Variants in OGDH observed in about 807,000 individuals in gnomAD.
The protein encoded by OGDH is oxoglutarate dehydrogenase.
A neutral mutation model predicts 116.6 loss-of-function variants in OGDH; 38 were observed. That is an observed-to-expected ratio of 0.33 (90% CI 0.25 to 0.43). The LOEUF is 0.43. Ranked by LOEUF, OGDH falls within the 20% of genes least tolerant of loss-of-function variation. The pLI is 1.00. For synonymous variants in OGDH, 488 were observed against 533.3 expected (o/e 0.92, Z 1.17); for missense variants, 825 against 1,357.2 (o/e 0.61, Z 6.16).
intron 2 of OGDH, among the ~76,000 whole-genome samples, chr7:44,643,808 C>T (rs1786053614): frequency 6.6e-6 from 1 of 152,144 alleles, no homozygotes; most frequent in South Asian, 2.1e-4. Context: ...TGCCTTGCCT[C>T]TCCAAGTTTT....
At chr7:44,702,330 G>C (rs2116402878) in intron 20 of OGDH, among the ~76,000 whole-genome samples, 1 of 152,300 alleles carries the variant, frequency 6.6e-6, no homozygotes, top group Non-Finnish European at 1.5e-5. Flanking sequence ...CTTCAGGACA[G>C]AGAAAAAAAC....
In OGDH at chr7:44,700,336, C is replaced by T. The variant is rs1190713387; in HGVS notation, c.2559+67C>T. The T allele has an allele frequency of 1.9e-6, 3 of 1,581,114 alleles. No homozygotes were observed. In the Admixed American group the frequency reaches 5.3e-5, roughly 28 times the overall value. On this transcript the variant is annotated intron_variant, in intron 19 of 22. Coordinates refer to ENST00000222673, the MANE Select transcript of OGDH (RefSeq NM_002541.4). Reference sequence around the variant, plus strand: ...TGCCCTGTTGGTGCAGGGAAGGGCTCCTCAGAGAGCCTCTTGCTTGGGGTT... The same window carrying T: ...TGCCCTGTTGGTGCAGGGAAGGGCTTCTCAGAGAGCCTCTTGCTTGGGGTT...
At chr7:44,673,474 G>T (rs1787558240) in intron 5 of OGDH, among the ~76,000 whole-genome samples, 1 of 152,236 alleles carries the variant, frequency 6.6e-6, no homozygotes, top group Non-Finnish European at 1.5e-5. Context: ...TTCCACAACT[G>T]TTGCGGTCTG....
At chr7:44,616,807 G>GTATATATATACA (rs1562610856) in intron 1 of OGDH, among the ~76,000 whole-genome samples, 1 of 127,220 alleles carries the variant, frequency 7.9e-6, no homozygotes, top group Non-Finnish European at 1.7e-5. Flanking sequence ...GTATATATAT[G>GTATATATATACA]CATATATACG....
Position 44,676,134 on chromosome 7 carries a change from C to T in OGDH, c.1191C>T (p.Asp397=). 6.2e-7 allele frequency: 1 copy of T among 1,614,128 alleles called. No homozygotes were observed. The highest frequency in any genetic ancestry group is 1.1e-5 in the South Asian group (1 of 91,082). ...AAGCCGAACAGTTTTACTGTGGCGA[C>T]ACTGAAGGGAAAAAGGTAAGGCCCA... ...KTKAEQFYCG[D]TEGKKVMSIL... Residue 397 remains aspartate, a synonymous_variant, in exon 9 of 23, where the codon GAC becomes GAT. Coordinates refer to ENST00000222673, the MANE Select transcript of OGDH (RefSeq NM_002541.4).
In OGDH at chr7:44,694,224, C is replaced by T. The variant is rs1474208170; in HGVS notation, c.1516-200C>T. On this transcript the variant is annotated intron_variant, in intron 11 of 22. Coordinates refer to ENST00000222673, the MANE Select transcript of OGDH (RefSeq NM_002541.4). The surrounding 1 kb of genome is among the most constrained non-coding windows in gnomAD (Gnocchi z 4.2). Reference sequence around the variant, plus strand: ...CAGGAGCTGTGGTGGTGAGGAGGGCCACTCCTCATTGACAGAGCAGCTCTA... The same window carrying T: ...CAGGAGCTGTGGTGGTGAGGAGGGCTACTCCTCATTGACAGAGCAGCTCTA... Among the ~76,000 whole-genome samples the T allele has an allele frequency of 1.3e-5, 2 of 152,106 alleles. No homozygotes were observed. The highest frequency in any genetic ancestry group is 2.9e-5 in the Non-Finnish European group (2 of 68,018).
chr7:44,685,697 C>T (rs1053124460), intron 10 of OGDH, among the ~76,000 whole-genome samples: 2 of 151,964 alleles, frequency 1.3e-5, no homozygotes, highest in African/African-American at 4.8e-5. Context: ...TAGCTCACTG[C>T]AGCCTCCAAC....
At chr7:44,608,138 C>T (rs758976810) in intron 1 of OGDH, among the ~76,000 whole-genome samples, 22 of 152,238 alleles carry the variant, frequency 1.4e-4, no homozygotes, top group Non-Finnish European at 2.8e-4. Context: ...CGTGGTGGCT[C>T]ACGTTTGTAA....
intron 1 of OGDH, among the ~76,000 whole-genome samples, chr7:44,609,819 G>A (rs1313629024): frequency 2.0e-5 from 3 of 152,136 alleles, no homozygotes; most frequent in Non-Finnish European, 4.4e-5. Flanking sequence ...GCACTGTATG[G>A]TCTTGTTTCT....
rs778952772 is a variant in OGDH, at chr7:44,707,962, C to T, written c.3035C>T (p.Thr1012Met). ...HLTELQRLLDTAFDLDVFKNF... is the reference protein window; with the variant it reads ...HLTELQRLLDMAFDLDVFKNF... ...ACGGAGCTGCAGCGCCTCCTGGACA[C>T]GGCCTTCGACCTGGACGTCTTCAAG... is the stretch of plus-strand genomic sequence containing the variant. Residue 1012 changes from threonine to methionine, a missense_variant, in exon 23 of 23, where the codon ACG becomes ATG. Thr to Met is a moderately conservative substitution (Grantham distance 81). Coordinates refer to ENST00000222673, the MANE Select transcript of OGDH (RefSeq NM_002541.4). The surrounding 1 kb of genome is among the most constrained non-coding windows in gnomAD (Gnocchi z 5.2). 4.6e-5 allele frequency: 75 copies of T among 1,613,702 alleles called. No homozygotes were observed. Among genetic ancestry groups the T allele is most frequent in the East Asian group, 1.6e-4 (7 of 44,898 alleles).
intron 1 of OGDH, among the ~76,000 whole-genome samples, chr7:44,616,314 A>T (rs1387375045): frequency 6.6e-6 from 1 of 152,164 alleles, no homozygotes; most frequent in Non-Finnish European, 1.5e-5. Flanking sequence ...CACATCAGTC[A>T]TGGGCATCTC....
rs567456108 is a variant in OGDH at position 44,647,113 on chromosome 7, C to G, written c.415-544C>G. On this transcript the variant is annotated intron_variant, in intron 3 of 22. Transcript: ENST00000222673. ...CTTAGGGAAATGTTTATGTTCTGAG[C>G]TGAGGCAGGCTTCACATTGGAGTAA... 1.9e-4 allele frequency among the ~76,000 whole-genome samples: 29 copies of G among 152,316 alleles called. No homozygotes were observed. The South Asian group carries it at 4.6e-3, about 24-fold the overall frequency.
At position 44,694,043 on chromosome 7, in the gene OGDH, T is replaced by G. The variant is rs991213641; in HGVS notation, c.1515+39T>G. The G allele has an allele frequency of 1.5e-5, 24 of 1,578,154 alleles. No individual in the cohort carries two copies. The highest frequency in any genetic ancestry group is 2.1e-5 in the Non-Finnish European group (24 of 1,155,678). On this transcript the variant is annotated intron_variant, in intron 11 of 22. Transcript: ENST00000222673. The surrounding 1 kb of genome is among the most constrained non-coding windows in gnomAD (Gnocchi z 4.2). ...GGGACAGCACGTCCTGGGCAGAGCA[T>G]CTGACCCACCCCTCTTGCCCTCGGC...
chr7:44,640,489 A>T (rs1482517469), intron 2 of OGDH, among the ~76,000 whole-genome samples: 1 of 152,008 alleles, frequency 6.6e-6, no homozygotes, highest in Non-Finnish European at 1.5e-5. Context: ...ATTCAAAGCT[A>T]ATTTTATTGA....
intron 2 of OGDH, among the ~76,000 whole-genome samples, chr7:44,638,555 CT>C (rs1251604804): frequency 6.6e-6 from 1 of 152,216 alleles, no homozygotes; most frequent in Non-Finnish European, 1.5e-5. Flanking sequence ...GTCACTGCCC[CT>C]GCCTACATCA....
At chr7:44,625,306 G>A (rs1785162704) in intron 2 of OGDH, among the ~76,000 whole-genome samples, 1 of 152,036 alleles carries the variant, frequency 6.6e-6, no homozygotes, top group African/African-American at 2.4e-5. Context: ...TGTATTTTTA[G>A]TAGAGATGGG....
chr7:44,642,285 G>A (rs1785977220), intron 2 of OGDH, among the ~76,000 whole-genome samples: 1 of 152,172 alleles, frequency 6.6e-6, no homozygotes, highest in African/African-American at 2.4e-5. Flanking sequence ...TTAGCCATGC[G>A]TGGTGGTGCG....
At chr7:44,633,673 C>T (rs1785543372) in intron 2 of OGDH, among the ~76,000 whole-genome samples, 2 of 152,132 alleles carry the variant, frequency 1.3e-5, no homozygotes, top group Non-Finnish European at 2.9e-5. Context: ...TGGTCAGTCA[C>T]GTGGTATTCC....
chr7:44,618,842 C>G (rs111535822), intron 1 of OGDH, among the ~76,000 whole-genome samples: 3 of 152,352 alleles, frequency 2.0e-5, no homozygotes, highest in African/African-American at 7.2e-5. Context: ...ACACCCACTT[C>G]AGGAGTCCTG....
Sources: gnomAD v4.1 joint callset for allele counts (sites outside exome capture counted in the v4.1 genomes callset) on GRCh38, gnomAD v4.1.1 for gene constraint, Gnocchi (gnomAD v3.1) non-coding constraint, MANE v1.5 for transcripts, NCBI Gene and HGNC (gene_info 2026-07-23, HGNC 2026-07-21) for gene names.